Variants in IGF1R observed in about 807,000 individuals in gnomAD.
IGF1R encodes the protein insulin-like growth factor 1 receptor.
Under a neutral mutation model 144.6 loss-of-function variants are expected in IGF1R, and 44 were observed. That is an observed-to-expected ratio of 0.30 (90% CI 0.24 to 0.39). The LOEUF is 0.39. Ranked by LOEUF, IGF1R falls within the 10% of genes least tolerant of loss-of-function variation. The probability of loss-of-function intolerance (pLI) is 1.00; values close to 1 mark genes in which losing one functional copy is unlikely to be tolerated. For synonymous variants in IGF1R, 795 were observed against 722.8 expected (o/e 1.10, Z -1.60); for missense variants, 1,355 against 1,833.7 (o/e 0.74, Z 4.77).
chr15:98,655,694 CT>C (rs2052469413), intron 1 of IGF1R, among the ~76,000 whole-genome samples: 1 of 150,188 alleles, frequency 6.7e-6, no homozygotes, highest in Non-Finnish European at 1.5e-5. Flanking sequence ...TAAAATTTTT[CT>C]TTTTCCTGCC....
At chr15:98,714,649 GAAA>G (rs202232475) in intron 2 of IGF1R, among the ~76,000 whole-genome samples, 2 of 133,192 alleles carry the variant, frequency 1.5e-5, no homozygotes, top group Non-Finnish European at 3.3e-5. Flanking sequence ...TCCTGTCTGA[GAAA>G]AAAAAAAAAA....
intron 2 of IGF1R, among the ~76,000 whole-genome samples, chr15:98,735,922 A>G (rs1298212550): frequency 2.0e-5 from 3 of 152,216 alleles, no homozygotes; most frequent in Non-Finnish European, 4.4e-5. Context: ...GTGCCCTGAA[A>G]GAGCCTTGAG....
chr15:98,842,261 ACTTC>A (rs1297182103), intron 2 of IGF1R, among the ~76,000 whole-genome samples: 32 of 152,252 alleles, frequency 2.1e-4, no homozygotes, highest in Admixed American at 7.2e-4. Flanking sequence ...TTACTTCTTT[ACTTC>A]CTTTGATAAG....
At chr15:98,846,726 T>C (rs1379233864) in intron 2 of IGF1R, among the ~76,000 whole-genome samples, 1 of 152,244 alleles carries the variant, frequency 6.6e-6, no homozygotes, top group Admixed American at 6.5e-5. Context: ...TATGCTGCCT[T>C]AAAGGCATTG....
intron 2 of IGF1R, among the ~76,000 whole-genome samples, chr15:98,791,785 A>G (rs74034206): frequency 3.3e-5 from 5 of 152,246 alleles, no homozygotes; most frequent in Admixed American, 2.6e-4. Flanking sequence ...TTTGTGTTGC[A>G]TGGCAATTCT....
chr15:98,852,543 A>G (rs965833868), intron 2 of IGF1R, among the ~76,000 whole-genome samples: 3 of 152,188 alleles, frequency 2.0e-5, no homozygotes, highest in East Asian at 1.9e-4. Flanking sequence ...CAGGAGTATT[A>G]GGGAGGCGAT....
intron 4 of IGF1R, among the ~76,000 whole-genome samples, chr15:98,899,167 A>G (rs1303345788): frequency 6.6e-6 from 1 of 152,246 alleles, no homozygotes; most frequent in African/African-American, 2.4e-5. Flanking sequence ...CGTTCCCTAC[A>G]TTCGTCAGCC....
chr15:98,896,427 A>C (rs910029543), intron 3 of IGF1R, among the ~76,000 whole-genome samples: 11 of 152,208 alleles, frequency 7.2e-5, no homozygotes, highest in Non-Finnish European at 5.9e-5. Context: ...TCCTTTCTGC[A>C]GCACTGTCTC....
At position 98,924,618 on chromosome 15, in the gene IGF1R, C is replaced by T; in HGVS notation, c.2716C>T (p.Gln906Ter). Residue 906 changes from glutamine to a stop codon, truncating the protein, a stop_gained, in exon 13 of 21, where the codon CAG becomes TAG. Coordinates refer to ENST00000650285, the MANE Select transcript of IGF1R (RefSeq NM_000875.5). LOFTEE classifies it high-confidence loss of function. ...CCCGGGGAACTACACAGCCCGGATT[C>T]AGGCCACATCTCTCTCTGGGAATGG... Reference protein sequence around the residue: ...LNPGNYTARIQATSLSGNGSW... With the variant: ...LNPGNYTARI 1 of 1,614,194 alleles carries T rather than the reference C, an allele frequency of 6.2e-7. No homozygotes were observed. Among genetic ancestry groups the T allele is most frequent in the Non-Finnish European group, 8.5e-7 (1 of 1,179,988 alleles).
rs757760452 is a variant in IGF1R, at chr15:98,707,976, T to C, written c.509T>C (p.Val170Ala). The C allele has an allele frequency of 5.0e-6, 8 of 1,614,028 alleles. No individual in the cohort carries two copies. Among genetic ancestry groups the C allele is most frequent in the African/African-American group, 1.3e-5 (1 of 74,886 alleles). Reference protein sequence around the residue: ...ILDAVSNNYIVGNKPPKECGD... With the variant: ...ILDAVSNNYIAGNKPPKECGD... ...GATGCGGTGTCCAATAACTACATTG[T>C]GGGGAATAAGCCCCCAAAGGAATGT... Residue 170 changes from valine (V) to alanine (A), a missense_variant, in exon 2 of 21, where the codon GTG becomes GCG. By Grantham distance (64) the Val-to-Ala change is moderately conservative. Coordinates refer to ENST00000650285, the MANE Select transcript of IGF1R (RefSeq NM_000875.5). The surrounding 1 kb of genome is among the most constrained non-coding windows in gnomAD (Gnocchi z 6.7).
chr15:98,812,937 A>T (rs1442126366), intron 2 of IGF1R, among the ~76,000 whole-genome samples: 1 of 152,236 alleles, frequency 6.6e-6, no homozygotes, highest in South Asian at 2.1e-4. Context: ...TAAGTCCACA[A>T]ACCTGCTTCC....
intron 5 of IGF1R, among the ~76,000 whole-genome samples, chr15:98,907,745 A>T (rs909760868): frequency 2.0e-5 from 3 of 152,224 alleles, no homozygotes; most frequent in Non-Finnish European, 4.4e-5. Flanking sequence ...GGGTAGCCAG[A>T]TAGAACGGCT....
chr15:98,820,580 C>G (rs913136134), intron 2 of IGF1R, among the ~76,000 whole-genome samples: 15 of 152,140 alleles, frequency 9.9e-5, no homozygotes, highest in African/African-American at 3.6e-4. Flanking sequence ...AAGATAAATT[C>G]ACAGACCCTC....
At chr15:98,706,101 A>T (rs554474771) in intron 1 of IGF1R, among the ~76,000 whole-genome samples, 40 of 152,252 alleles carry the variant, frequency 2.6e-4, no homozygotes, top group Middle Eastern at 3.4e-3. Context: ...AATTCCATTC[A>T]CATCTAGAGT....
Position 98,935,986 on chromosome 15 carries a change from G to A in IGF1R, c.3297+560G>A, listed in dbSNP as rs1211352624. 1.3e-5 allele frequency among the ~76,000 whole-genome samples: 2 copies of A among 152,166 alleles called. No homozygotes were observed. Among genetic ancestry groups the A allele is most frequent in the African/African-American group, 4.8e-5 (2 of 41,434 alleles). ...GTATGTTACAGTTCAAGGTTAAGCTGCCTGGATTCTTGCCCTTGCATCTGG... is the reference window on the plus strand; with the variant it reads ...GTATGTTACAGTTCAAGGTTAAGCTACCTGGATTCTTGCCCTTGCATCTGG... On this transcript the variant is annotated intron_variant, in intron 17 of 20. Transcript: ENST00000650285. This position sits in a 1 kb window ranked among gnomAD's most constrained non-coding sequence, Gnocchi z 4.2.
At chr15:98,657,813 C>T (rs947511123) in intron 1 of IGF1R, among the ~76,000 whole-genome samples, 7 of 152,218 alleles carry the variant, frequency 4.6e-5, no homozygotes, top group African/African-American at 1.4e-4. Context: ...AGTTTCAGTT[C>T]TGCAGCCTGT....
chr15:98,730,015 G>A (rs1322345360), intron 2 of IGF1R, among the ~76,000 whole-genome samples: 2 of 152,194 alleles, frequency 1.3e-5, no homozygotes, highest in East Asian at 3.9e-4. Flanking sequence ...GTTAAAAGCA[G>A]AATTTGTGTC....
At chr15:98,944,094 G>T (rs1219749736) in intron 19 of IGF1R, among the ~76,000 whole-genome samples, 1 of 152,196 alleles carries the variant, frequency 6.6e-6, no homozygotes, top group Non-Finnish European at 1.5e-5. Context: ...TTTAGAGATT[G>T]GGATGGTGAG....
intron 15 of IGF1R, among the ~76,000 whole-genome samples, chr15:98,931,446 A>G (rs2015936614): frequency 6.6e-6 from 1 of 152,204 alleles, no homozygotes. Flanking sequence ...GGGTTTTACT[A>G]TGGTTTCTTT....
Sources: allele counts gnomAD v4.1 joint callset (sites outside exome capture counted in the v4.1 genomes callset), GRCh38; gene constraint gnomAD v4.1.1; non-coding constraint Gnocchi (gnomAD v3.1); transcripts MANE v1.5; gene names NCBI Gene and HGNC (gene_info 2026-07-23, HGNC 2026-07-21).